The following UBE2E2 variants were observed in gnomAD, a reference collection of about 807,000 sequenced individuals.
UBE2E2 encodes the protein ubiquitin-conjugating enzyme E2 E2.
A neutral mutation model predicts 24.7 loss-of-function variants in UBE2E2; 6 were observed. The ratio of observed to expected loss-of-function variants is 0.24; its 90% CI spans 0.13 to 0.48. UBE2E2 has a LOEUF of 0.48. Among genes scored for constraint, UBE2E2 ranks in the 20% least tolerant of loss-of-function variants. The pLI, the probability that UBE2E2 is intolerant of heterozygous loss-of-function variation, is 0.99. For missense variants in UBE2E2, 169 were observed against 245.0 expected (o/e 0.69, Z 2.07); for synonymous variants, 104 against 83.6 (o/e 1.24, Z -1.33).
chr3:23,307,994 C>CT (rs1251192981), intron 3 of UBE2E2, among the ~76,000 whole-genome samples: 1 of 152,132 alleles, frequency 6.6e-6, no homozygotes, highest in Non-Finnish European at 1.5e-5. Flanking sequence ...GTGGCACCTT[C>CT]TAGGGAAACA....
At chr3:23,415,205 A>AT (rs1419737873) in intron 3 of UBE2E2, among the ~76,000 whole-genome samples, 18 of 152,326 alleles carry the variant, frequency 1.2e-4, no homozygotes, top group African/African-American at 4.1e-4. Context: ...GCAGGTAAAG[A>AT]TATTAGATGC....
intron 3 of UBE2E2, among the ~76,000 whole-genome samples, chr3:23,296,172 C>T (rs1698903019): frequency 1.3e-5 from 2 of 152,118 alleles, no homozygotes; most frequent in African/African-American, 2.4e-5. Context: ...TCCAGTTCAG[C>T]TCGGGGAGCT....
At chr3:23,418,510 T>G (rs1196251331) in intron 3 of UBE2E2, among the ~76,000 whole-genome samples, 1 of 152,208 alleles carries the variant, frequency 6.6e-6, no homozygotes, top group Non-Finnish European at 1.5e-5. Context: ...CAGGCTCTAA[T>G]TTTTGTATTT....
rs181948178 is a variant in UBE2E2 at position 23,257,154 on chromosome 3, G to A, written c.227+39842G>A. On this transcript the variant is annotated intron_variant, in intron 3 of 5. Coordinates refer to ENST00000396703, the MANE Select transcript of UBE2E2 (RefSeq NM_152653.4). ...AGTTCTTCTGAACCACAGCTCTTCTGTGTGGGTCTTCATCTTTCAGGAGAC... is the reference window on the plus strand; with the variant it reads ...AGTTCTTCTGAACCACAGCTCTTCTATGTGGGTCTTCATCTTTCAGGAGAC... 2.0e-4 allele frequency among the ~76,000 whole-genome samples: 30 copies of A among 152,294 alleles called. 1 individual carries two copies. Among genetic ancestry groups the A allele is most frequent in the Admixed American group, 1.3e-3 (20 of 15,300 alleles).
At chr3:23,556,561 C>G (rs1695793030) in intron 5 of UBE2E2, among the ~76,000 whole-genome samples, 2 of 150,320 alleles carry the variant, frequency 1.3e-5, no homozygotes, top group South Asian at 4.3e-4. Flanking sequence ...TAAAAACCAG[C>G]TTATCCTAGA....
intron 3 of UBE2E2, among the ~76,000 whole-genome samples, chr3:23,478,820 C>G (rs1051588394): frequency 2.6e-5 from 4 of 151,930 alleles, no homozygotes; most frequent in Non-Finnish European, 4.4e-5. Flanking sequence ...GCAGAATGAT[C>G]ACTTGAGCCC....
chr3:23,245,679 A>T (rs747317062), intron 3 of UBE2E2, among the ~76,000 whole-genome samples: 11 of 152,204 alleles, frequency 7.2e-5, no homozygotes, highest in Non-Finnish European at 1.0e-4. Context: ...TAATAAGCCA[A>T]TTTTGTTTAG....
chr3:23,378,605 AGTAAT>A (rs1036529896), intron 3 of UBE2E2, among the ~76,000 whole-genome samples: 1 of 152,226 alleles, frequency 6.6e-6, no homozygotes, highest in Admixed American at 6.5e-5. Context: ...ATTTTTAAAA[AGTAAT>A]GTACAGTAAA....
At chr3:23,582,818 G>C (rs1028974105) in intron 5 of UBE2E2, among the ~76,000 whole-genome samples, 7 of 150,722 alleles carry the variant, frequency 4.6e-5, no homozygotes, top group African/African-American at 1.7e-4. Context: ...GTAGTTTGCA[G>C]ATATTTTCTC....
At chr3:23,448,719 T>C (rs1695200) in intron 3 of UBE2E2, among the ~76,000 whole-genome samples, 87,854 of 151,972 alleles carry the variant, frequency 0.58, 25,726 homozygotes, top group East Asian at 0.72. Context: ...TTTATCCTCA[T>C]CTTTCTTGTA....
chr3:23,574,540 T>C (rs574091471), intron 5 of UBE2E2, among the ~76,000 whole-genome samples: 1 of 152,262 alleles, frequency 6.6e-6, no homozygotes, highest in African/African-American at 2.4e-5. Flanking sequence ...TTAAAAATTA[T>C]AAATTTTTAT....
intron 3 of UBE2E2, among the ~76,000 whole-genome samples, chr3:23,309,370 A>G (rs1192492588): frequency 3.3e-5 from 5 of 152,190 alleles, no homozygotes; most frequent in African/African-American, 4.8e-5. Context: ...CATAGTTACA[A>G]TAGCTTAGGT....
rs927135675 is a variant in UBE2E2, at chr3:23,407,654, T to C, written c.228-91954T>C. On this transcript the variant is annotated intron_variant, in intron 3 of 5. Transcript: ENST00000396703. This position sits in a 1 kb window ranked among gnomAD's most constrained non-coding sequence, Gnocchi z 4.0. ...TTGTGTGTGCATGCGTGCATGTGTG[T>C]GTGTGTGTGTGTGTGTGTGTGTGTG... is the stretch of plus-strand genomic sequence containing the variant. 1.0e-5 allele frequency among the ~76,000 whole-genome samples: 1 copy of C among 96,006 alleles called. No homozygotes were observed. The highest frequency in any genetic ancestry group is 2.1e-5 in the Non-Finnish European group (1 of 46,840). 63.0% of individuals were successfully genotyped at this position (96,006 alleles called of 152,430 possible). A position where few individuals can be genotyped will look rare whatever the true frequency, so the allele number is the denominator to read the frequency against.
intron 3 of UBE2E2, among the ~76,000 whole-genome samples, chr3:23,379,818 T>G (rs893722870): frequency 6.6e-6 from 1 of 151,982 alleles, no homozygotes; most frequent in Non-Finnish European, 1.5e-5. Flanking sequence ...AAGCTCTAAG[T>G]AGAAGGAAAA....
rs1439224113 is a variant in UBE2E2, at chr3:23,566,219, A to G, written c.509-23515A>G. Among the ~76,000 whole-genome samples the G allele has an allele frequency of 2.6e-5, 4 of 152,218 alleles. No individual in the cohort carries two copies. The South Asian group carries it at 6.2e-4, about 24-fold the overall frequency. ...AACAGTCCCTGCTGAAGACAATAGT[A>G]TGATAAGAACATTGAAAAATACAAT... On this transcript the variant is annotated intron_variant, in intron 5 of 5. Coordinates refer to ENST00000396703, the MANE Select transcript of UBE2E2 (RefSeq NM_152653.4).
At chr3:23,442,872 A>T (rs1698337724) in intron 3 of UBE2E2, among the ~76,000 whole-genome samples, 1 of 152,110 alleles carries the variant, frequency 6.6e-6, no homozygotes, top group Admixed American at 6.5e-5. Flanking sequence ...TTCCTCCATC[A>T]CTACTTTGTT....
chr3:23,399,880 G>A (rs1697175710), intron 3 of UBE2E2, among the ~76,000 whole-genome samples: 1 of 152,166 alleles, frequency 6.6e-6, no homozygotes, highest in Non-Finnish European at 1.5e-5. Flanking sequence ...GTTGATGTCA[G>A]ACTCTTCCTC....
chr3:23,393,492 TAG>T (rs1697002630), intron 3 of UBE2E2, among the ~76,000 whole-genome samples: 1 of 152,202 alleles, frequency 6.6e-6, no homozygotes, highest in Non-Finnish European at 1.5e-5. Context: ...CCTGGATTTA[TAG>T]AGTCAGAAAC....
At chr3:23,508,997 C>T (rs890334854) in intron 4 of UBE2E2, among the ~76,000 whole-genome samples, 5 of 152,142 alleles carry the variant, frequency 3.3e-5, no homozygotes, top group African/African-American at 7.2e-5. Flanking sequence ...CCTCCCCTCA[C>T]GTGAGTTTTC....
Sources: gnomAD v4.1 joint callset for allele counts (sites outside exome capture counted in the v4.1 genomes callset) on GRCh38, gnomAD v4.1.1 for gene constraint, Gnocchi (gnomAD v3.1) non-coding constraint, MANE v1.5 for transcripts, NCBI Gene and HGNC (gene_info 2026-07-23, HGNC 2026-07-21) for gene names.